The following MRTFB variants were observed in gnomAD, a reference collection of about 807,000 sequenced individuals.
The protein encoded by MRTFB is myocardin-related transcription factor B.
In MRTFB, 29 loss-of-function variants were observed where a neutral mutation model predicts 104.2. The ratio of observed to expected loss-of-function variants is 0.28; its 90% CI spans 0.21 to 0.38. The LOEUF (loss-of-function observed/expected upper bound fraction) is 0.38. Among genes scored for constraint, MRTFB ranks in the 10% least tolerant of loss-of-function variants. The pLI is 1.00. For synonymous variants in MRTFB, 535 were observed against 519.5 expected, an observed-to-expected ratio of 1.03 and a Z score of -0.41; for missense variants, 1,270 against 1,341.6, an observed-to-expected ratio of 0.95 and a Z score of 0.83.
At chr16:14,247,547 G>T in intron 12 of MRTFB, 40 bp downstream of exon 12, 1 of 1,497,498 alleles carries the variant, frequency 6.7e-7, no homozygotes, top group South Asian at 1.3e-5. Flanking sequence ...CTTACAGCAT[G>T]CATGGAATGC....
chr16:14,072,503 A>G (rs952219695), intron 1 of MRTFB, among the ~76,000 whole-genome samples: 1 of 152,188 alleles, frequency 6.6e-6, no homozygotes, highest in Admixed American at 6.5e-5. Context: ...TGGGCAATAT[A>G]GCGAGATCCC....
intron 2 of MRTFB, among the ~76,000 whole-genome samples, chr16:14,094,514 G>A (rs1388410762): frequency 2.6e-5 from 4 of 152,158 alleles, no homozygotes; most frequent in Non-Finnish European, 4.4e-5. Flanking sequence ...ATAGTTTTAA[G>A]TAGCTGACAA....
the MRTFB span, among the ~76,000 whole-genome samples, chr16:14,026,050 A>G: frequency 2.0e-5 from 3 of 152,352 alleles, no homozygotes; most frequent in African/African-American, 7.2e-5. Flanking sequence ...GTTCTCCCCA[A>G]ATAGATTTAT....
At chr16:14,124,144 T>A (rs1939986928) in intron 2 of MRTFB, among the ~76,000 whole-genome samples, 1 of 152,256 alleles carries the variant, frequency 6.6e-6, no homozygotes, top group Admixed American at 6.5e-5. Context: ...AAGTTGCTTA[T>A]CAGCTTAAGG....
rs142259009 is a variant in MRTFB at position 14,177,739 on chromosome 16, C to T, written c.155-32504C>T. Among the ~76,000 whole-genome samples, 851 of 152,174 alleles carry T rather than the reference C, an allele frequency of 5.6e-3. 18 individuals carry two copies. In the East Asian group the frequency reaches 0.076, roughly 14 times the overall value. On this transcript the variant is annotated intron_variant, in intron 3 of 16. Transcript: ENST00000571589. The surrounding 1 kb of genome is among the most constrained non-coding windows in gnomAD (Gnocchi z 4.7). ...TGGGGAGGCTGAAGAGGGAAGATTG[C>T]TTCAGCCCAGGAGGTCGAGGCTGCA...
At chr16:14,093,153 A>G (rs2035177788) in intron 2 of MRTFB, among the ~76,000 whole-genome samples, 1 of 152,126 alleles carries the variant, frequency 6.6e-6, no homozygotes, top group Non-Finnish European at 1.5e-5. Flanking sequence ...AACCATTGGT[A>G]GCTTGGATAT....
At chr16:14,022,845 T>A in the MRTFB span, among the ~76,000 whole-genome samples, 1 of 149,538 alleles carries the variant, frequency 6.7e-6, no homozygotes, top group East Asian at 2.0e-4. Flanking sequence ...TACAGGCGCC[T>A]GCAACCACGC....
intron 8 of MRTFB, among the ~76,000 whole-genome samples, chr16:14,220,344 T>G (rs186428757): frequency 1.5e-4 from 23 of 152,288 alleles, no homozygotes; most frequent in African/African-American, 5.3e-4. Flanking sequence ...CTGTTTTGAG[T>G]AGGTTAGGAT....
At chr16:14,105,943 T>G (rs764942044) in intron 2 of MRTFB, among the ~76,000 whole-genome samples, 10 of 152,236 alleles carry the variant, frequency 6.6e-5, no homozygotes, top group Non-Finnish European at 1.3e-4. Flanking sequence ...TAAGGAGCAC[T>G]TTCCCTAGTT....
rs567901744 is a variant in MRTFB at position 14,099,718 on chromosome 16, A to C, written c.-64+20364A>C. Among the ~76,000 whole-genome samples the C allele has an allele frequency of 9.5e-5, 14 of 147,784 alleles. No individual in the cohort carries two copies. In the South Asian group the frequency reaches 2.4e-3, roughly 25 times the overall value. On this transcript the variant is annotated intron_variant, in intron 2 of 16. Coordinates refer to ENST00000571589, the MANE Select transcript of MRTFB (RefSeq NM_001308142.2). ...AGTCTCACTGTGTCGTCCAGGCTGG[A>C]GTGCAGTGGCACGATCTCGGCTCAC...
At chr16:14,259,904 A>G (rs1305823176) in intron 16 of MRTFB, among the ~76,000 whole-genome samples, 2 of 152,266 alleles carry the variant, frequency 1.3e-5, no homozygotes, top group Non-Finnish European at 2.9e-5. Flanking sequence ...ATTCATTTAT[A>G]GGAATCAAAT....
Position 14,079,316 on chromosome 16 carries a change from G to A in MRTFB, c.-102G>A. On this transcript the variant is annotated 5_prime_UTR_variant, in exon 2 of 17. Coordinates refer to ENST00000571589, the MANE Select transcript of MRTFB (RefSeq NM_001308142.2). ...TTCACAATAAAGGTGCTAAGAAAGA[G>A]AATGTAAGACAGGAAAATAATTAAA... The A allele has an allele frequency of 2.8e-6, 1 of 353,252 alleles. No homozygotes were observed. Among genetic ancestry groups the A allele is most frequent in the Non-Finnish European group, 5.1e-6 (1 of 194,318 alleles). The allele number at this position is 353,252 out of a possible 1,614,324, so 21.9% of individuals were successfully genotyped here. A position where few individuals can be genotyped will look rare whatever the true frequency, so the allele number is the denominator to read the frequency against.
At chr16:14,056,749 G>T in the MRTFB span, among the ~76,000 whole-genome samples, 1 of 152,008 alleles carries the variant, frequency 6.6e-6, no homozygotes, top group East Asian at 1.9e-4. Context: ...TGCATGCATG[G>T]ATATATCTAT....
the MRTFB span, among the ~76,000 whole-genome samples, chr16:14,038,407 A>G: frequency 6.6e-6 from 1 of 152,212 alleles, no homozygotes; most frequent in Admixed American, 6.5e-5. Flanking sequence ...ATTCCATAAC[A>G]GACCAGATCA....
chr16:14,026,077 C>A, the MRTFB span, among the ~76,000 whole-genome samples: 1 of 152,184 alleles, frequency 6.6e-6, no homozygotes, highest in East Asian at 1.9e-4. Flanking sequence ...AGCACAATTT[C>A]TGTCAGAATC....
Position 14,264,319 on chromosome 16 carries a change from T to C in MRTFB, c.*2875T>C, listed in dbSNP as rs1555464010. On this transcript the variant is annotated 3_prime_UTR_variant, in exon 17 of 17. Coordinates refer to ENST00000571589, the MANE Select transcript of MRTFB (RefSeq NM_001308142.2). The stretch of plus-strand genomic sequence containing the variant: ...GCCTTACCTTTCTGCTGTATGTAGA[T>C]AGTCAGATCATCCTACTGGGGGTGG... 6.6e-6 allele frequency: 1 copy of C among 152,220 alleles called. No homozygotes were observed. The highest frequency in any genetic ancestry group is 1.5e-5 in the Non-Finnish European group (1 of 68,036). 9.4% of individuals were successfully genotyped at this position (152,220 alleles called of 1,614,324 possible). A position where few individuals can be genotyped will look rare whatever the true frequency, so the allele number is the denominator to read the frequency against.
At chr16:14,195,677 A>C (rs1455393752) in intron 3 of MRTFB, 35 of 489,864 alleles carry the variant, frequency 7.1e-5, no homozygotes, top group Non-Finnish European at 8.7e-5. Flanking sequence ...TTGTATTAAG[A>C]AACATGAGAA....
intron 2 of MRTFB, among the ~76,000 whole-genome samples, chr16:14,081,774 G>A (rs2034424755): frequency 6.7e-6 from 1 of 150,116 alleles, no homozygotes; most frequent in Non-Finnish European, 1.5e-5. Context: ...TGTAGACAGT[G>A]TCTCGCCATG....
the MRTFB span, among the ~76,000 whole-genome samples, chr16:14,058,253 C>T: frequency 2.0e-5 from 3 of 152,096 alleles, no homozygotes; most frequent in Admixed American, 6.6e-5. Context: ...TATCCGTTCT[C>T]GGAAGGAATC....
Sources: gnomAD v4.1 joint callset for allele counts (sites outside exome capture counted in the v4.1 genomes callset) on GRCh38, gnomAD v4.1.1 for gene constraint, Gnocchi (gnomAD v3.1) non-coding constraint, MANE v1.5 for transcripts, NCBI Gene and HGNC (gene_info 2026-07-23, HGNC 2026-07-21) for gene names.